Variants in DPP6 observed in about 807,000 individuals in gnomAD.
DPP6 encodes dipeptidyl peptidase like 6, also known as A-type potassium channel modulatory protein DPP6.
DPP6 carries 69 observed loss-of-function variants against 122.6 expected under a neutral mutation model. The ratio of observed to expected loss-of-function variants is 0.56; its 90% CI spans 0.46 to 0.69. The LOEUF (loss-of-function observed/expected upper bound fraction) is 0.69, where lower values mean the gene tolerates loss of function less well. DPP6 is among the 30% of genes least tolerant of loss of function. The probability of loss-of-function intolerance (pLI) is 0.00; values close to 1 mark genes in which losing one functional copy is unlikely to be tolerated. For missense variants in DPP6, 928 were observed against 1,116.9 expected (o/e 0.83, Z 2.41); for synonymous variants, 418 against 433.1 (o/e 0.97, Z 0.43).
intron 2 of DPP6, among the ~76,000 whole-genome samples, chr7:154,454,139 A>G (rs1181896957): frequency 6.6e-6 from 1 of 152,110 alleles, no homozygotes; most frequent in Non-Finnish European, 1.5e-5. Flanking sequence ...CCATGGCCCA[A>G]CCCATTTCAT....
At chr7:154,581,838 G>A (rs73727303) in intron 5 of DPP6, among the ~76,000 whole-genome samples, 3,405 of 152,218 alleles carry the variant, frequency 0.022, 116 homozygotes, top group African/African-American at 0.075. Flanking sequence ...TCATATCCCC[G>A]GAATGTCCCG....
At chr7:154,718,762 C>T (rs112732514) in intron 7 of DPP6, among the ~76,000 whole-genome samples, 1 of 151,588 alleles carries the variant, frequency 6.6e-6, no homozygotes, top group East Asian at 1.9e-4. Flanking sequence ...GCCTCAGTGT[C>T]CCAAGTAGCT....
intron 2 of DPP6, among the ~76,000 whole-genome samples, chr7:154,460,225 A>G (rs1409808906): frequency 6.6e-6 from 1 of 151,792 alleles, no homozygotes; most frequent in African/African-American, 2.4e-5. Context: ...CAGGTGATCC[A>G]CCCGCCTTGG....
chr7:154,235,639 G>A (rs1801165128), intron 1 of DPP6, among the ~76,000 whole-genome samples: 2 of 151,900 alleles, frequency 1.3e-5, no homozygotes, highest in South Asian at 2.1e-4. Context: ...AGTGTGCTTG[G>A]ATGGATTGCG....
At chr7:154,650,349 A>G (rs907750867) in intron 6 of DPP6, among the ~76,000 whole-genome samples, 2 of 149,754 alleles carry the variant, frequency 1.3e-5, no homozygotes, top group African/African-American at 2.5e-5. Flanking sequence ...AGGAGTGGAG[A>G]GGAGGGCAGA....
chr7:154,392,624 G>A (rs371066415), intron 1 of DPP6, among the ~76,000 whole-genome samples: 30 of 152,244 alleles, frequency 2.0e-4, no homozygotes, highest in African/African-American at 6.7e-4. Flanking sequence ...TTTTTGAATC[G>A]GGAGTTGAAG....
At chr7:154,684,045 T>G (rs1369443127) in intron 7 of DPP6, among the ~76,000 whole-genome samples, 1 of 152,124 alleles carries the variant, frequency 6.6e-6, no homozygotes, top group Non-Finnish European at 1.5e-5. Flanking sequence ...GTTCTTGTAT[T>G]TTTTGTAGAG....
chr7:154,142,786 A>G (rs2150665616), intron 1 of DPP6, among the ~76,000 whole-genome samples: 1 of 146,808 alleles, frequency 6.8e-6, no homozygotes, highest in African/African-American at 2.5e-5. Flanking sequence ...ACCAAAAAAA[A>G]GGAACAAGAT....
chr7:153,933,135 C>T (rs548380256), intron 1 of DPP6, among the ~76,000 whole-genome samples: 4 of 152,196 alleles, frequency 2.6e-5, no homozygotes, highest in African/African-American at 9.7e-5. Flanking sequence ...ATAAATTACC[C>T]AGTCTCAAGT....
chr7:154,674,739 G>C (rs1408876208), intron 7 of DPP6, among the ~76,000 whole-genome samples: 1 of 152,210 alleles, frequency 6.6e-6, no homozygotes, highest in Non-Finnish European at 1.5e-5. Context: ...CAGTGGAGTA[G>C]TTAGCCGGGA....
intron 1 of DPP6, among the ~76,000 whole-genome samples, chr7:154,271,341 C>T (rs961413874): frequency 5.7e-5 from 8 of 140,724 alleles, no homozygotes; most frequent in Non-Finnish European, 8.2e-5. Context: ...GTTGTGGTTG[C>T]GAACACATAT....
intron 1 of DPP6, among the ~76,000 whole-genome samples, chr7:154,014,859 A>G (rs1191379049): frequency 1.3e-5 from 2 of 151,888 alleles, no homozygotes; most frequent in Non-Finnish European, 2.9e-5. Context: ...AGCAGTCACT[A>G]AGGATCCCAT....
At chr7:154,283,341 G>A (rs916152093) in intron 1 of DPP6, among the ~76,000 whole-genome samples, 3 of 152,180 alleles carry the variant, frequency 2.0e-5, no homozygotes, top group African/African-American at 7.2e-5. Flanking sequence ...TATCTGTAAA[G>A]TGAGGATACA....
intron 1 of DPP6, among the ~76,000 whole-genome samples, chr7:154,000,450 A>G (rs1013241349): frequency 3.3e-5 from 5 of 152,132 alleles, no homozygotes; most frequent in African/African-American, 1.2e-4. Context: ...TTGCTGATGC[A>G]GAGAGGTTCT....
chr7:153,904,653 A>G (rs1799774467), intron 1 of DPP6, among the ~76,000 whole-genome samples: 1 of 152,186 alleles, frequency 6.6e-6, no homozygotes, highest in South Asian at 2.1e-4. Context: ...ATACGCAGGC[A>G]CTGAGACACC....
chr7:154,541,282 C>T (rs750514778), intron 4 of DPP6, among the ~76,000 whole-genome samples: 13 of 152,026 alleles, frequency 8.6e-5, no homozygotes, highest in Non-Finnish European at 1.3e-4. Flanking sequence ...AGGCGTGTGC[C>T]GCCGTGCCCA....
At chr7:154,662,289 T>G (rs1342092934) in intron 6 of DPP6, among the ~76,000 whole-genome samples, 1 of 151,782 alleles carries the variant, frequency 6.6e-6, no homozygotes, top group Non-Finnish European at 1.5e-5. Flanking sequence ...GCATGGCATA[T>G]TGGCGCTAGT....
At chr7:154,414,157 G>A (rs286852) in intron 1 of DPP6, among the ~76,000 whole-genome samples, 22,534 of 152,066 alleles carry the variant, frequency 0.15, 1,702 homozygotes, top group South Asian at 0.17. Context: ...CCATCATTAC[G>A]GGAATATTGG....
intron 3 of DPP6, chr7:154,475,416 CCCCTTTGTTCTCTT>C: frequency 3.5e-6 from 1 of 289,346 alleles, no homozygotes; most frequent in Non-Finnish European, 6.8e-6. Flanking sequence ...AATCTTCATT[CCCCTTTGTTCTCTT>C]GCTCTCTTTC....
Sources: gnomAD v4.1 joint callset for allele counts (sites outside exome capture counted in the v4.1 genomes callset) on GRCh38, gnomAD v4.1.1 for gene constraint, MANE v1.5 for transcripts, NCBI Gene and HGNC (gene_info 2026-07-23, HGNC 2026-07-21) for gene names.